Variants in DMD observed in about 807,000 individuals in gnomAD.
DMD encodes mutant dystrophin.
Under a neutral mutation model 330.1 loss-of-function variants are expected in DMD, and 63 were observed. That is an observed-to-expected ratio of 0.19 (90% CI 0.16 to 0.24). The LOEUF is 0.24. DMD is among the 10% of genes least tolerant of loss of function. The pLI, the probability that DMD is intolerant of heterozygous loss-of-function variation, is 1.00. For synonymous variants in DMD, 1,223 were observed against 959.8 expected, an observed-to-expected ratio of 1.27 and a Z score of -5.07; for missense variants, 3,344 against 2,684.1, an observed-to-expected ratio of 1.25 and a Z score of -5.43.
intron 13 of DMD, among the ~76,000 whole-genome samples, chrX:32,591,032 T>C (rs2054850929): frequency 9.0e-6 from 1 of 111,422 alleles, no homozygotes; most frequent in Non-Finnish European, 1.9e-5. Flanking sequence ...ATTAGGAAAA[T>C]CAAAATACGA....
At chrX:32,754,852 A>G (rs1488694432) in intron 7 of DMD, 1 of 111,685 alleles carries the variant, frequency 9.0e-6, no homozygotes, top group Non-Finnish European at 1.9e-5. Context: ...GGCTCCCACT[A>G]TCATTGTGAC....
At chrX:31,510,731 G>A (rs772310657) in intron 55 of DMD, among the ~76,000 whole-genome samples, 6 of 109,597 alleles carry the variant, frequency 5.5e-5, no homozygotes, top group Admixed American at 9.8e-5. Context: ...GGATGGTCTC[G>A]ATCTCCTGAC....
At chrX:32,642,027 T>TC (rs200226546) in intron 11 of DMD, among the ~76,000 whole-genome samples, 3,571 of 109,887 alleles carry the variant, frequency 0.032, 159 homozygotes, top group African/African-American at 0.12. Context: ...ATAATGACAA[T>TC]ACCCTCTTTT....
intron 9 of DMD, among the ~76,000 whole-genome samples, chrX:32,647,811 A>T (rs752615416): frequency 8.6e-4 from 96 of 112,184 alleles, no homozygotes; most frequent in African/African-American, 3.1e-3. Context: ...TTGAAGCATA[A>T]ATTGCCCCAA....
chrX:32,590,836 G>A (rs746819502), intron 13 of DMD, among the ~76,000 whole-genome samples: 1 of 111,296 alleles, frequency 9.0e-6, no homozygotes, highest in Non-Finnish European at 1.9e-5. Flanking sequence ...CCAGCTTGCA[G>A]ATGGCGTATC....
chrX:31,798,262 A>T lies in DMD; in HGVS notation c.7309+21713T>A, dbSNP rs182175077. Among the ~76,000 whole-genome samples, 59 of 111,171 alleles carry T rather than the reference A, an allele frequency of 5.3e-4. 1 individual carries two copies. The highest frequency in any genetic ancestry group is 2.5e-3 in the Admixed American group (26 of 10,414). On this transcript the variant is annotated intron_variant, in intron 50 of 78. Coordinates refer to ENST00000357033, the MANE Select transcript of DMD (RefSeq NM_004006.3). ...GAGCATAAATTTACCCAGTGGGTTC[A>T]GGAAGAAGATGAGTATTTTTTTTTT...
chrX:33,170,515 T>C (rs1022553800), intron 1 of DMD, among the ~76,000 whole-genome samples: 1 of 111,496 alleles, frequency 9.0e-6, no homozygotes, highest in Non-Finnish European at 1.9e-5. Flanking sequence ...GTAATTTTAA[T>C]TTGTCTGATA....
chrX:32,613,296 G>A (rs1878901796), intron 12 of DMD, among the ~76,000 whole-genome samples: 1 of 111,185 alleles, frequency 9.0e-6, no homozygotes, highest in African/African-American at 3.3e-5. Flanking sequence ...TTGTGTGTGT[G>A]TGTGTTTCCT....
At position 32,923,269 on chromosome X, in the gene DMD, T is replaced by C. The variant is rs770695735; in HGVS notation, c.94-73449A>G. ...ATGAGGTTAAGATAAAGTAAAATCA[T>C]CTTTGTCAGGGTGGGGCGCAGTGGC... On this transcript the variant is annotated intron_variant, in intron 2 of 78. Coordinates refer to ENST00000357033, the MANE Select transcript of DMD (RefSeq NM_004006.3). Among the ~76,000 whole-genome samples, 4 of 111,634 alleles carry C rather than the reference T, an allele frequency of 3.6e-5. No homozygotes were observed. In the South Asian group the frequency reaches 1.5e-3, roughly 42 times the overall value.
chrX:32,737,327 A>G (rs1004202681), intron 7 of DMD, among the ~76,000 whole-genome samples: 4 of 111,418 alleles, frequency 3.6e-5, no homozygotes, highest in African/African-American at 9.8e-5. Context: ...ATTTAGTGTG[A>G]GGAAAGAAAG....
chrX:32,426,593 C>A (rs1000753644), intron 29 of DMD, among the ~76,000 whole-genome samples: 4 of 111,610 alleles, frequency 3.6e-5, no homozygotes, highest in African/African-American at 1.3e-4. Context: ...CAGAACACAG[C>A]AACCCCATTA....
chrX:32,672,843 A>G (rs1005815826), intron 9 of DMD, among the ~76,000 whole-genome samples: 1 of 111,297 alleles, frequency 9.0e-6, no homozygotes, highest in East Asian at 2.8e-4. Flanking sequence ...GAGCCAAAAG[A>G]GCCACTGAGA....
intron 1 of DMD, among the ~76,000 whole-genome samples, chrX:33,055,085 G>C (rs1408930659): frequency 8.9e-6 from 1 of 111,744 alleles, no homozygotes; most frequent in Non-Finnish European, 1.9e-5. Flanking sequence ...TGAGCATTAA[G>C]ATTGAAGCTC....
intron 55 of DMD, among the ~76,000 whole-genome samples, chrX:31,558,918 C>T (rs748011472): frequency 7.2e-4 from 80 of 111,730 alleles, no homozygotes; most frequent in Non-Finnish European, 1.1e-3. Context: ...TGTCACAACA[C>T]ACTCAAGCCT....
At chrX:31,688,334 T>C (rs959017817) in intron 52 of DMD, among the ~76,000 whole-genome samples, 4 of 110,009 alleles carry the variant, frequency 3.6e-5, no homozygotes, top group Non-Finnish European at 7.6e-5. Flanking sequence ...GAGAATACTA[T>C]AAACACCTCT....
At chrX:32,017,405 C>T (rs1446368844) in intron 44 of DMD, among the ~76,000 whole-genome samples, 2 of 111,626 alleles carry the variant, frequency 1.8e-5, no homozygotes, top group Non-Finnish European at 3.8e-5. Context: ...ACATTGGCAT[C>T]GTCGTTGCAT....
chrX:31,327,245 T>C (rs1485009660), intron 61 of DMD, among the ~76,000 whole-genome samples: 1 of 112,179 alleles, frequency 8.9e-6, no homozygotes, highest in African/African-American at 3.2e-5. Context: ...AACCTCTGAA[T>C]TTCCTTTTGT....
intron 60 of DMD, among the ~76,000 whole-genome samples, chrX:31,421,858 ACTCT>A (rs56157177): frequency 8.0e-4 from 62 of 77,322 alleles, no homozygotes; most frequent in East Asian, 4.7e-3. Flanking sequence ...CTCCCTGCTT[ACTCT>A]CTCTCTCTCT....
At chrX:32,497,501 T>A (rs1471702824) in intron 19 of DMD, among the ~76,000 whole-genome samples, 1 of 112,202 alleles carries the variant, frequency 8.9e-6, no homozygotes, top group Admixed American at 9.5e-5. Context: ...TAGTATCTCC[T>A]CTAGAAATTA....
Sources: gnomAD v4.1 joint callset for allele counts (sites outside exome capture counted in the v4.1 genomes callset) on GRCh38, gnomAD v4.1.1 for gene constraint, MANE v1.5 for transcripts, NCBI Gene and HGNC (gene_info 2026-07-23, HGNC 2026-07-21) for gene names.